The following TNPO1 variants were observed in gnomAD, a reference collection of about 807,000 sequenced individuals.
TNPO1 encodes the protein transportin-1.
In TNPO1, 8 loss-of-function variants were observed where a neutral mutation model predicts 119.5. The observed-to-expected ratio is 0.07, with a 90% CI of 0.04 to 0.12. TNPO1 has a LOEUF of 0.12. Ranked by LOEUF, TNPO1 falls within the 10% of genes least tolerant of loss-of-function variation. The probability of loss-of-function intolerance (pLI) is 1.00; values close to 1 mark genes in which losing one functional copy is unlikely to be tolerated. For missense variants in TNPO1, 576 were observed against 1,089.8 expected (o/e 0.53, Z 6.64); for synonymous variants, 362 against 363.0 (o/e 1.00, Z 0.03).
intron 14 of TNPO1, among the ~76,000 whole-genome samples, chr5:72,891,116 T>TA (rs759553807): frequency 6.6e-6 from 1 of 151,956 alleles, no homozygotes; most frequent in Non-Finnish European, 1.5e-5. Context: ...GTGCTGGAAT[T>TA]ACAGGTGTGA....
intron 3 of TNPO1, among the ~76,000 whole-genome samples, chr5:72,854,144 G>A (rs1745804687): frequency 6.6e-6 from 1 of 152,144 alleles, no homozygotes; most frequent in Non-Finnish European, 1.5e-5. Context: ...CAAGTTTATT[G>A]CTTAAAGAAG....
chr5:72,840,369 A>G (rs568637254), intron 1 of TNPO1, among the ~76,000 whole-genome samples: 84 of 152,290 alleles, frequency 5.5e-4, no homozygotes, highest in African/African-American at 2.0e-3. Flanking sequence ...ATGGAATTAA[A>G]TGAGATCATG....
At chr5:72,843,606 AAC>A (rs1406494570) in intron 1 of TNPO1, among the ~76,000 whole-genome samples, 31 of 152,008 alleles carry the variant, frequency 2.0e-4, no homozygotes, top group Non-Finnish European at 4.1e-4. Context: ...AAAAAAAAAA[AAC>A]AAACCCAAAA....
At chr5:72,892,167 C>T (rs1388212995) in intron 15 of TNPO1, among the ~76,000 whole-genome samples, 4 of 151,192 alleles carry the variant, frequency 2.6e-5, no homozygotes, top group African/African-American at 7.3e-5. Flanking sequence ...ATATATATAC[C>T]GGGATATATA....
chr5:72,888,466 G>C (rs1403363094), intron 13 of TNPO1, among the ~76,000 whole-genome samples, 163 bp downstream of exon 13: 2 of 152,176 alleles, frequency 1.3e-5, no homozygotes, highest in Non-Finnish European at 2.9e-5. Context: ...TTGGTGAAGT[G>C]TTTTGCAGGA....
At chr5:72,817,354 G>C (rs1485402718) in intron 1 of TNPO1, among the ~76,000 whole-genome samples, 1 of 152,198 alleles carries the variant, frequency 6.6e-6, no homozygotes, top group East Asian at 1.9e-4. Flanking sequence ...TTTTGCGTGG[G>C]CTTGTGGGTT....
chr5:72,850,681 A>G (rs1454841850), intron 2 of TNPO1, among the ~76,000 whole-genome samples: 1 of 152,232 alleles, frequency 6.6e-6, no homozygotes, highest in African/African-American at 2.4e-5. Flanking sequence ...GATGAGGGGA[A>G]GAATTGTACA....
intron 6 of TNPO1, among the ~76,000 whole-genome samples, chr5:72,866,253 T>A (rs533806208): frequency 6.6e-6 from 1 of 152,298 alleles, no homozygotes; most frequent in East Asian, 1.9e-4. Flanking sequence ...TGTCGAGGTG[T>A]ACCATATGTT....
rs139884945 is a variant in TNPO1 at position 72,823,558 on chromosome 5, A to G, written c.15+6806A>G. Reference sequence around the variant, plus strand: ...CAGCCCTAACCATCTTCTGACCCCAATGGAATCTCCAACCCATTGATCCTA... The same window carrying G: ...CAGCCCTAACCATCTTCTGACCCCAGTGGAATCTCCAACCCATTGATCCTA... On this transcript the variant is annotated intron_variant, in intron 1 of 24. Transcript: ENST00000337273. Among the ~76,000 whole-genome samples, 155 of 152,162 alleles carry G rather than the reference A, an allele frequency of 1.0e-3. 1 individual carries two copies. The highest frequency in any genetic ancestry group is 1.6e-3 in the Admixed American group (25 of 15,296).
intron 1 of TNPO1, among the ~76,000 whole-genome samples, chr5:72,820,926 C>T (rs1016228969): frequency 6.6e-6 from 1 of 152,040 alleles, no homozygotes; most frequent in Non-Finnish European, 1.5e-5. Flanking sequence ...AAAGTGAATG[C>T]ACCAAATATC....
chr5:72,886,843 C>T (rs573395396), intron 11 of TNPO1, among the ~76,000 whole-genome samples: 73 of 137,356 alleles, frequency 5.3e-4, no homozygotes, highest in African/African-American at 1.8e-3. Context: ...GAGCCAAGAT[C>T]GCACCACTGC....
chr5:72,860,625 C>T (rs1022648978), intron 4 of TNPO1, among the ~76,000 whole-genome samples: 2 of 152,210 alleles, frequency 1.3e-5, no homozygotes, highest in African/African-American at 2.4e-5. Context: ...GCGACTCATT[C>T]TTGATCCAGT....
At chr5:72,841,054 A>T (rs183887901) in intron 1 of TNPO1, among the ~76,000 whole-genome samples, 76 of 151,762 alleles carry the variant, frequency 5.0e-4, no homozygotes, top group Admixed American at 3.0e-3. Flanking sequence ...TATGAGCTCA[A>T]CAGTTAGTTT....
At position 72,877,250 on chromosome 5, in the gene TNPO1, A is replaced by C; in HGVS notation, c.824A>C (p.Asp275Ala). Residue 275 changes from aspartate to alanine, a missense_variant, in exon 9 of 25, where the codon GAT (aspartate) becomes GCT (alanine). Transcript: ENST00000337273. ...IVEYMLQRTQ[D>A]QDENVALEAC... ...CAGTACATGCTACAGAGGACTCAAG[A>C]TCAAGATGAAAATGTGGCTTTAGAA... The C allele has an allele frequency of 1.2e-6, 2 of 1,611,292 alleles. No homozygotes were observed. The highest frequency in any genetic ancestry group is 1.7e-6 in the Non-Finnish European group (2 of 1,178,072).
chr5:72,875,881 T>C, intron 8 of TNPO1, 144 bp downstream of exon 8: 3 of 1,046,034 alleles, frequency 2.9e-6, no homozygotes, highest in Non-Finnish European at 2.7e-6. Flanking sequence ...TGGGGAGTTT[T>C]GTATTTCTGG....
At chr5:72,885,292 A>G (rs1298144786) in intron 11 of TNPO1, among the ~76,000 whole-genome samples, 2 of 152,256 alleles carry the variant, frequency 1.3e-5, no homozygotes, top group Admixed American at 6.5e-5. Context: ...ACTTGTTAAG[A>G]CAACACATGG....
At chr5:72,817,035 A>G (rs971404763) in intron 1 of TNPO1, 7 of 472,660 alleles carry the variant, frequency 1.5e-5, no homozygotes, top group Non-Finnish European at 2.2e-5. Context: ...AGGGGCGGGA[A>G]GGGAAGGGTC....
chr5:72,843,037 C>T (rs1457757137), intron 1 of TNPO1, among the ~76,000 whole-genome samples: 1 of 152,196 alleles, frequency 6.6e-6, no homozygotes, highest in African/African-American at 2.4e-5. Flanking sequence ...TTACCATAGT[C>T]ATTCTCCACT....
At chr5:72,862,056 A>G in intron 5 of TNPO1, 142 bp downstream of exon 5, 1 of 583,264 alleles carries the variant, frequency 1.7e-6, no homozygotes, top group Non-Finnish European at 3.1e-6. Context: ...TTTGTGTTAT[A>G]TTACATTTGT....
Sources: allele counts gnomAD v4.1 joint callset (sites outside exome capture counted in the v4.1 genomes callset), GRCh38; gene constraint gnomAD v4.1.1; transcripts MANE v1.5; gene names NCBI Gene and HGNC (gene_info 2026-07-23, HGNC 2026-07-21).